The following STK35 variants were observed in gnomAD, a reference collection of about 807,000 sequenced individuals.
STK35 encodes serine/threonine-protein kinase 35.
Under a neutral mutation model 37.3 loss-of-function variants are expected in STK35, and 17 were observed. The observed-to-expected ratio is 0.46, with a 90% confidence interval of 0.31 to 0.68. STK35 has a LOEUF of 0.68. Among genes scored for constraint, STK35 ranks in the 30% least tolerant of loss-of-function variants. The pLI, the probability that STK35 is intolerant of heterozygous loss-of-function variation, is 0.05. For synonymous variants in STK35, 385 were observed against 319.1 expected (o/e 1.21, Z -2.20); for missense variants, 595 against 746.7 (o/e 0.80, Z 2.37).
chr20:2,104,573 C>T (rs115470366), intron 2 of STK35, among the ~76,000 whole-genome samples: 2,625 of 152,124 alleles, frequency 0.017, 77 homozygotes, highest in African/African-American at 0.06. Flanking sequence ...ATGCTGTTCT[C>T]TGCACCCTGA....
At chr20:2,130,366 TTTC>T (rs763678837) in intron 3 of STK35, among the ~76,000 whole-genome samples, 1 of 152,190 alleles carries the variant, frequency 6.6e-6, no homozygotes, top group Admixed American at 6.5e-5. Context: ...GTTTTGTTCT[TTTC>T]TTGGTAATCA....
chr20:2,113,500 G>GGA (rs1270155010), intron 2 of STK35, among the ~76,000 whole-genome samples: 1 of 152,218 alleles, frequency 6.6e-6, no homozygotes, highest in Non-Finnish European at 1.5e-5. Flanking sequence ...GCAGGCCTAG[G>GGA]GAGAGGGATC....
At chr20:2,114,122 T>TA (rs1448585374) in intron 2 of STK35, among the ~76,000 whole-genome samples, 5 of 152,118 alleles carry the variant, frequency 3.3e-5, no homozygotes, top group Middle Eastern at 3.2e-3. Context: ...GAGACCCCGT[T>TA]AGACAGTCTG....
intron 2 of STK35, 83 bp from the exon 3 acceptor site, chr20:2,116,583 T>C: frequency 6.9e-7 from 1 of 1,442,892 alleles, no homozygotes; most frequent in Non-Finnish European, 9.4e-7. Context: ...AATGTCACTC[T>C]TGAATACACT....
At chr20:2,102,737 C>T (rs974031512) in intron 1 of STK35, 31 bp from the exon 2 acceptor site, 31 of 1,390,964 alleles carry the variant, frequency 2.2e-5, no homozygotes, top group Non-Finnish European at 2.8e-5. Context: ...CCGCCTTGGC[C>T]TGGCCGTTTA....
chr20:2,144,308 C>A lies in STK35; in HGVS notation c.*562C>A, dbSNP rs879599296. On this transcript the variant is annotated 3_prime_UTR_variant, in exon 4 of 4. Coordinates refer to ENST00000381482, the MANE Select transcript of STK35 (RefSeq NM_080836.4). ...CACGCCTCCCTACCAGATGCAGGAA[C>A]TCCTGGACTCCTTGGTGGGCTGGCC... 1 of 189,974 alleles carries A rather than the reference C, an allele frequency of 5.3e-6. No individual in the cohort carries two copies. The highest frequency in any genetic ancestry group is 1.1e-5 in the Non-Finnish European group (1 of 92,094). The allele number at this position is 189,974 out of a possible 1,614,324, so 11.8% of individuals were successfully genotyped here.
At chr20:2,132,067 ATTG>A (rs10557361) in intron 3 of STK35, among the ~76,000 whole-genome samples, 2,599 of 152,254 alleles carry the variant, frequency 0.017, 33 homozygotes, top group African/African-American at 0.037. Flanking sequence ...CATCCTAAGT[ATTG>A]TTGTCCCCCC....
At chr20:2,119,470 T>C (rs942477171) in intron 3 of STK35, among the ~76,000 whole-genome samples, 8 of 152,224 alleles carry the variant, frequency 5.3e-5, no homozygotes, top group Non-Finnish European at 7.3e-5. Flanking sequence ...AACAGCAGAA[T>C]AGTTTAGTTG....
At chr20:2,108,910 G>A (rs1008735640) in intron 2 of STK35, among the ~76,000 whole-genome samples, 1 of 152,142 alleles carries the variant, frequency 6.6e-6, no homozygotes, top group Non-Finnish European at 1.5e-5. Context: ...CCTCCTTAGT[G>A]ACTTCTAAAT....
chr20:2,147,581 T>G lies in STK35; in HGVS notation c.*3835T>G, dbSNP rs890850863. 4 of 152,266 alleles carry G rather than the reference T, an allele frequency of 2.6e-5. No homozygotes were observed. Among genetic ancestry groups the G allele is most frequent in the African/African-American group, 9.7e-5 (4 of 41,438 alleles). The allele number at this position is 152,266 out of a possible 1,614,324, so 9.4% of individuals were successfully genotyped here. On this transcript the variant is annotated 3_prime_UTR_variant, in exon 4 of 4. Transcript: ENST00000381482. ...GGGACCCTAACGTTCTGCCCTTGCCTGGTTCCATATGGCTCCTTCCAGCCC... is the reference window on the plus strand; with the variant it reads ...GGGACCCTAACGTTCTGCCCTTGCCGGGTTCCATATGGCTCCTTCCAGCCC...
chr20:2,109,004 T>C (rs572655451), intron 2 of STK35, among the ~76,000 whole-genome samples: 64 of 152,334 alleles, frequency 4.2e-4, no homozygotes, highest in Admixed American at 3.7e-3. Context: ...TTTTTACACC[T>C]CTCCAGCGCA....
intron 3 of STK35, among the ~76,000 whole-genome samples, chr20:2,132,005 C>T (rs773240639): frequency 2.6e-5 from 4 of 152,178 alleles, no homozygotes; most frequent in Non-Finnish European, 5.9e-5. Flanking sequence ...CCTATGCAGG[C>T]TCAGCGTCAG....
chr20:2,140,512 G>T (rs543848976), intron 3 of STK35, among the ~76,000 whole-genome samples: 1 of 152,220 alleles, frequency 6.6e-6, no homozygotes, highest in East Asian at 1.9e-4. Context: ...ACTACCTTCG[G>T]TGAGCTTACT....
chr20:2,123,678 T>G (rs1454963698), intron 3 of STK35, among the ~76,000 whole-genome samples: 1 of 152,196 alleles, frequency 6.6e-6, no homozygotes, highest in Non-Finnish European at 1.5e-5. Context: ...ATTAACATGG[T>G]TTGTTTGAAA....
intron 3 of STK35, among the ~76,000 whole-genome samples, chr20:2,139,798 G>T (rs544722293): frequency 6.6e-6 from 1 of 152,148 alleles, no homozygotes; most frequent in East Asian, 1.9e-4. Context: ...TTGCTGTTAC[G>T]CCAGTTACAG....
chr20:2,129,418 G>T (rs1382974194), intron 3 of STK35, among the ~76,000 whole-genome samples: 2 of 152,150 alleles, frequency 1.3e-5, no homozygotes, highest in Non-Finnish European at 2.9e-5. Context: ...GGTTCCTGCT[G>T]CCCTTTCATG....
rs1052305670 is a variant in STK35 at position 2,146,050 on chromosome 20, T to C, written c.*2304T>C. 8 of 152,218 alleles carry C rather than the reference T, an allele frequency of 5.3e-5. No individual in the cohort carries two copies. The highest frequency in any genetic ancestry group is 1.7e-4 in the African/African-American group (7 of 41,436). 9.4% of individuals were successfully genotyped at this position (152,218 alleles called of 1,614,324 possible). Reference sequence around the variant, plus strand: ...TGTAGGTGACAGGTGGGCAGCCTGGTAGGGGTCGCCAGCCTCCATGCCCCC... The same window carrying C: ...TGTAGGTGACAGGTGGGCAGCCTGGCAGGGGTCGCCAGCCTCCATGCCCCC... On this transcript the variant is annotated 3_prime_UTR_variant, in exon 4 of 4. Transcript: ENST00000381482.
intron 3 of STK35, among the ~76,000 whole-genome samples, chr20:2,131,472 T>G (rs77713419): frequency 0.05 from 7,163 of 143,158 alleles, 541 homozygotes; most frequent in African/African-American, 0.18. Flanking sequence ...TAAAGTTTTG[T>G]TTTTTTTTTT....
In STK35 at chr20:2,103,103, C is replaced by T. The variant is rs954643584; in HGVS notation, c.630C>T (p.Arg210=). The T allele has an allele frequency of 1.2e-6, 2 of 1,600,214 alleles. No homozygotes were observed. Among genetic ancestry groups the T allele is most frequent in the Non-Finnish European group, 1.7e-6 (2 of 1,178,642 alleles). ...ACAGCCTGTTGGCGGAGATCGGGCG[C>T]GGCAGCTACGGCGTGGTTTATGAGG... ...PRYSLLAEIG[R]GSYGVVYEAV... The change falls in exon 2 of 4, where the codon CGC becomes CGT. Residue 210 remains arginine, a synonymous_variant. Coordinates refer to ENST00000381482, the MANE Select transcript of STK35 (RefSeq NM_080836.4).
Sources: gnomAD v4.1 joint callset for allele counts (sites outside exome capture counted in the v4.1 genomes callset) on GRCh38, gnomAD v4.1.1 for gene constraint, MANE v1.5 for transcripts, NCBI Gene and HGNC (gene_info 2026-07-23, HGNC 2026-07-21) for gene names.